DNER: variants seen among roughly 807,000 people sequenced by gnomAD.
DNER encodes the protein delta/notch like EGF repeat containing.
DNER carries 33 observed loss-of-function variants against 78.2 expected under a neutral mutation model. The ratio of observed to expected loss-of-function variants is 0.42; its 90% confidence interval spans 0.32 to 0.56. The LOEUF is 0.56. Among genes scored for constraint, DNER ranks in the 20% least tolerant of loss-of-function variants. The pLI, the probability that DNER is intolerant of heterozygous loss-of-function variation, is 0.11. For missense variants in DNER, 918 were observed against 975.3 expected (o/e 0.94, Z 0.78); for synonymous variants, 417 against 384.8 (o/e 1.08, Z -0.98).
intron 9 of DNER, among the ~76,000 whole-genome samples, chr2:229,411,281 G>A (rs975123410): frequency 6.6e-6 from 1 of 152,168 alleles, no homozygotes; most frequent in Admixed American, 6.5e-5. Flanking sequence ...TACAGGCCAG[G>A]CAGAGTAGCT....
At chr2:229,481,829 C>T (rs796940980) in intron 6 of DNER, among the ~76,000 whole-genome samples, 19 of 152,258 alleles carry the variant, frequency 1.2e-4, no homozygotes, top group African/African-American at 4.6e-4. Flanking sequence ...GGTATCGATG[C>T]CACAGACACA....
intron 5 of DNER, among the ~76,000 whole-genome samples, chr2:229,523,971 C>T (rs1696152404): frequency 1.3e-5 from 2 of 152,322 alleles, no homozygotes; most frequent in South Asian, 4.1e-4. Flanking sequence ...CAATAAATGC[C>T]AGGCATTGTA....
At chr2:229,659,627 G>A (rs367861482) in intron 1 of DNER, among the ~76,000 whole-genome samples, 3 of 152,026 alleles carry the variant, frequency 2.0e-5, no homozygotes, top group Admixed American at 1.3e-4. Flanking sequence ...AGTTATGAAG[G>A]CTCTCCACCT....
At chr2:229,424,563 C>T (rs79415686) in intron 8 of DNER, among the ~76,000 whole-genome samples, 9,057 of 152,188 alleles carry the variant, frequency 0.06, 363 homozygotes, top group South Asian at 0.14. Flanking sequence ...TGCAGACGGC[C>T]GCCTTCTCTA....
intron 11 of DNER, among the ~76,000 whole-genome samples, chr2:229,371,476 C>G (rs542565770): frequency 6.6e-6 from 1 of 152,214 alleles, no homozygotes; most frequent in Admixed American, 6.5e-5. Flanking sequence ...AAAAATGTCA[C>G]GCTTGTGAGT....
chr2:229,696,019 A>C (rs907290080), intron 1 of DNER, among the ~76,000 whole-genome samples: 2 of 152,156 alleles, frequency 1.3e-5, no homozygotes, highest in African/African-American at 4.8e-5. Flanking sequence ...ACTCCTTTCT[A>C]AACCTCATTA....
At chr2:229,621,028 G>T (rs894885894) in intron 1 of DNER, among the ~76,000 whole-genome samples, 2 of 152,218 alleles carry the variant, frequency 1.3e-5, no homozygotes, top group African/African-American at 4.8e-5. Context: ...AAGCCACCCG[G>T]TCTGCGGTGC....
At chr2:229,383,276 A>C (rs560087837) in intron 11 of DNER, among the ~76,000 whole-genome samples, 2 of 152,244 alleles carry the variant, frequency 1.3e-5, no homozygotes, top group African/African-American at 4.8e-5. Context: ...TAAATATGGA[A>C]AGGAAAAACC....
intron 5 of DNER, among the ~76,000 whole-genome samples, chr2:229,545,709 C>T (rs759563876): frequency 5.0e-4 from 76 of 152,358 alleles, no homozygotes; most frequent in Non-Finnish European, 6.5e-4. Context: ...AAGCTGTACT[C>T]GGGCCTTGCC....
At chr2:229,513,877 C>A (rs1052299584) in intron 5 of DNER, among the ~76,000 whole-genome samples, 4 of 151,860 alleles carry the variant, frequency 2.6e-5, no homozygotes, top group Non-Finnish European at 1.5e-5. Flanking sequence ...AGCCATTATC[C>A]CCTCACCCTC....
At chr2:229,387,509 G>GAAAGAAAGAGAGAAAGAA (rs1553602522) in intron 11 of DNER, among the ~76,000 whole-genome samples, 46 of 76,166 alleles carry the variant, frequency 6.0e-4, no homozygotes, top group Non-Finnish European at 1.0e-3. Context: ...GAAAGAAAGA[G>GAAAGAAAGAGAGAAAGAA]AGAAAGAAAG....
intron 9 of DNER, among the ~76,000 whole-genome samples, chr2:229,416,325 T>A (rs1693651545): frequency 6.6e-6 from 1 of 152,208 alleles, no homozygotes; most frequent in Admixed American, 6.5e-5. Flanking sequence ...TTGTTTTTAT[T>A]TCCCAAAACT....
intron 6 of DNER, among the ~76,000 whole-genome samples, chr2:229,502,559 C>T (rs538251964): frequency 2.6e-5 from 4 of 152,136 alleles, no homozygotes; most frequent in Non-Finnish European, 4.4e-5. Flanking sequence ...TAGGTCTTGA[C>T]GGGAATAGAC....
At chr2:229,444,991 A>T (rs1346292314) in intron 8 of DNER, among the ~76,000 whole-genome samples, 1 of 152,214 alleles carries the variant, frequency 6.6e-6, no homozygotes, top group Non-Finnish European at 1.5e-5. Flanking sequence ...CACAGAGAGA[A>T]CGGAACTCTC....
chr2:229,680,278 T>C (rs1305644929), intron 1 of DNER, among the ~76,000 whole-genome samples: 3 of 152,068 alleles, frequency 2.0e-5, no homozygotes, highest in Non-Finnish European at 4.4e-5. Context: ...GAGTCACGGA[T>C]GGCTTCTCAG....
At chr2:229,532,239 C>G (rs1004794689) in intron 5 of DNER, among the ~76,000 whole-genome samples, 2 of 152,042 alleles carry the variant, frequency 1.3e-5, no homozygotes, top group South Asian at 4.2e-4. Flanking sequence ...GGAAGGTTTC[C>G]TCCCCTTCTC....
At chr2:229,369,158 A>G (rs1296043807) in intron 11 of DNER, among the ~76,000 whole-genome samples, 1 of 152,116 alleles carries the variant, frequency 6.6e-6, no homozygotes, top group Non-Finnish European at 1.5e-5. Flanking sequence ...GTTAGGAAAC[A>G]TGTTTTTAAA....
At chr2:229,602,512 G>A (rs1697850521) in intron 1 of DNER, among the ~76,000 whole-genome samples, 1 of 152,084 alleles carries the variant, frequency 6.6e-6, no homozygotes, top group Non-Finnish European at 1.5e-5. Flanking sequence ...TAAAAAGAAA[G>A]TATAAGGATC....
At chr2:229,475,042 A>T (rs1695002086) in intron 7 of DNER, among the ~76,000 whole-genome samples, 1 of 152,222 alleles carries the variant, frequency 6.6e-6, no homozygotes, top group African/African-American at 2.4e-5. Flanking sequence ...ATTATCATGA[A>T]AACAATAGTG....
Sources: gnomAD v4.1 joint callset for allele counts (sites outside exome capture counted in the v4.1 genomes callset) on GRCh38, gnomAD v4.1.1 for gene constraint, MANE v1.5 for transcripts, NCBI Gene and HGNC (gene_info 2026-07-23, HGNC 2026-07-21) for gene names.